Variants in CHD7 observed in about 807,000 individuals in gnomAD.
CHD7 encodes the protein chromodomain helicase DNA binding protein 7, also known as ATP-dependent chromatin remodeler CHD7.
CHD7 carries 24 observed loss-of-function variants against 307.3 expected under a neutral mutation model. That is an observed-to-expected ratio of 0.08 (90% CI 0.06 to 0.11). CHD7 has a LOEUF of 0.11. Among genes scored for constraint, CHD7 ranks in the 10% least tolerant of loss-of-function variants. CHD7 has a pLI of 1.00. For synonymous variants in CHD7, 1,363 were observed against 1,349.9 expected (o/e 1.01, Z -0.21); for missense variants, 3,106 against 3,727.1 (o/e 0.83, Z 4.34).
chr8:60,731,090 C>G (rs1317794706), intron 1 of CHD7, among the ~76,000 whole-genome samples: 1 of 152,140 alleles, frequency 6.6e-6, no homozygotes, highest in East Asian at 1.9e-4. Context: ...TGTCAACGTG[C>G]TTGTGTTCCA....
intron 8 of CHD7, among the ~76,000 whole-genome samples, chr8:60,818,390 GCA>G (rs1350924052): frequency 2.6e-5 from 4 of 152,198 alleles, no homozygotes; most frequent in Non-Finnish European, 5.9e-5. Context: ...TTTTAATTCA[GCA>G]CTGACTGTGA....
chr8:60,847,603 T>A (rs1805270866), intron 23 of CHD7, among the ~76,000 whole-genome samples: 1 of 152,212 alleles, frequency 6.6e-6, no homozygotes, highest in Non-Finnish European at 1.5e-5. Context: ...GCGATTCACG[T>A]ATCAGTCCTG....
At chr8:60,846,832 G>T (rs1026699934) in intron 23 of CHD7, among the ~76,000 whole-genome samples, 1 of 152,238 alleles carries the variant, frequency 6.6e-6, no homozygotes, top group African/African-American at 2.4e-5. Flanking sequence ...CCCTCAGCCA[G>T]TTAGGGGGCA....
At chr8:60,689,134 T>C (rs1806067972) in intron 1 of CHD7, among the ~76,000 whole-genome samples, 1 of 152,234 alleles carries the variant, frequency 6.6e-6, no homozygotes, top group Non-Finnish European at 1.5e-5. Flanking sequence ...TATTCTATTC[T>C]ATTTCTTTAC....
intron 11 of CHD7, 46 bp downstream of exon 11, chr8:60,822,191 C>A: frequency 2.6e-6 from 4 of 1,512,354 alleles, no homozygotes; most frequent in Non-Finnish European, 2.7e-6. Flanking sequence ...ATCTGTAGTT[C>A]CTTTCCTTTA....
In CHD7 at chr8:60,733,085, A is replaced by AT. The variant is rs201671720; in HGVS notation, c.-174-8172dup. Among the ~76,000 whole-genome samples, 47 of 151,598 alleles carry AT rather than the reference A, an allele frequency of 3.1e-4. 1 individual carries two copies. Among genetic ancestry groups the AT allele is most frequent in the Admixed American group, 1.9e-3 (29 of 15,240 alleles). The stretch of plus-strand genomic sequence containing the variant: ...CTTTGTTTCCCAGGAAAAAAAAAAA[A>AT]TTAGCTGGGTGTGGTGGTACACAAC... On this transcript the variant is annotated intron_variant, in intron 1 of 37. Coordinates refer to ENST00000423902, the MANE Select transcript of CHD7 (RefSeq NM_017780.4).
intron 1 of CHD7, among the ~76,000 whole-genome samples, chr8:60,684,375 G>T (rs979677852): frequency 1.3e-5 from 2 of 152,118 alleles, no homozygotes; most frequent in Non-Finnish European, 1.5e-5. Context: ...GCTGTTTGTT[G>T]GGTACCTGCT....
At chr8:60,697,836 G>A (rs1025502269) in intron 1 of CHD7, among the ~76,000 whole-genome samples, 5 of 152,196 alleles carry the variant, frequency 3.3e-5, no homozygotes, top group African/African-American at 9.7e-5. Context: ...TTAATCACAC[G>A]TGGTGCCACC....
chr8:60,697,555 A>G (rs1289471844), intron 1 of CHD7, among the ~76,000 whole-genome samples: 1 of 152,212 alleles, frequency 6.6e-6, no homozygotes, highest in East Asian at 1.9e-4. Flanking sequence ...GAATATATGC[A>G]ACTTCATTTT....
chr8:60,690,784 G>C (rs961788500), intron 1 of CHD7, among the ~76,000 whole-genome samples: 1 of 152,134 alleles, frequency 6.6e-6, no homozygotes, highest in African/African-American at 2.4e-5. Flanking sequence ...CTGTTGTCTC[G>C]GTATGGTGAA....
chr8:60,866,923 A>G lies in CHD7; in HGVS notation c.*990A>G, dbSNP rs1806261223. ...GAGATGTAATTATAGAATGTAGTATATAGGGAAACTGGTGTTCACTCTATT... is the reference window on the plus strand; with the variant it reads ...GAGATGTAATTATAGAATGTAGTATGTAGGGAAACTGGTGTTCACTCTATT... On this transcript the variant is annotated 3_prime_UTR_variant, in exon 38 of 38. Coordinates refer to ENST00000423902, the MANE Select transcript of CHD7 (RefSeq NM_017780.4). The G allele has an allele frequency of 6.6e-6, 1 of 152,594 alleles. No individual in the cohort carries two copies. The highest frequency in any genetic ancestry group is 1.5e-5 in the Non-Finnish European group (1 of 68,048). 9.5% of individuals were successfully genotyped at this position (152,594 alleles called of 1,614,324 possible). A position where few individuals can be genotyped will look rare whatever the true frequency, so the allele number is the denominator to read the frequency against.
intron 7 of CHD7, among the ~76,000 whole-genome samples, chr8:60,809,769 G>T (rs1812712248): frequency 6.7e-6 from 1 of 149,906 alleles, no homozygotes; most frequent in African/African-American, 2.5e-5. Context: ...AAGAGTTTTT[G>T]TTAGCCTTAT....
intron 1 of CHD7, among the ~76,000 whole-genome samples, chr8:60,734,868 A>G (rs1225059119): frequency 2.0e-5 from 3 of 152,208 alleles, no homozygotes; most frequent in African/African-American, 4.8e-5. Flanking sequence ...AGGGAGAGGT[A>G]TGATGTAATC....
In CHD7 at chr8:60,781,242, G is replaced by A. The variant is rs923306494; in HGVS notation, c.1908G>A (p.Gly636=). ...NQELNRNSLD[G]SQEEKKKKKR... is the part of the protein sequence containing the mutation. ...AACTAAATAGGAACTCACTGGATGG[G>A]TCCCAAGAAGAAAAAAAGAAAAAGA... Residue 636 remains glycine, a synonymous_variant, in exon 3 of 38, where the codon GGG becomes GGA. Coordinates refer to ENST00000423902, the MANE Select transcript of CHD7 (RefSeq NM_017780.4). 2 of 1,578,002 alleles carry A rather than the reference G, an allele frequency of 1.3e-6. No homozygotes were observed. The highest frequency in any genetic ancestry group is 1.9e-5 in the Admixed American group (1 of 53,394).
At chr8:60,709,052 C>T (rs1393442561) in intron 1 of CHD7, among the ~76,000 whole-genome samples, 1 of 152,118 alleles carries the variant, frequency 6.6e-6, no homozygotes, top group Non-Finnish European at 1.5e-5. Flanking sequence ...TTTCCTTTTG[C>T]GGAATTCCTA....
At chr8:60,758,233 T>C (rs1376303567) in intron 2 of CHD7, among the ~76,000 whole-genome samples, 2 of 152,072 alleles carry the variant, frequency 1.3e-5, no homozygotes, top group African/African-American at 4.8e-5. Context: ...CCTCCCAGGC[T>C]CAAGCAATCC....
chr8:60,852,800 A>C, intron 30 of CHD7, 29 bp from the exon 31 acceptor site: 2 of 1,609,132 alleles, frequency 1.2e-6, no homozygotes, highest in Non-Finnish European at 1.7e-6. Flanking sequence ...AATTCTCCCC[A>C]AGTAAATATG....
Position 60,865,286 on chromosome 8 carries a change from G to T in CHD7, c.8347G>T (p.Ala2783Ser). The T allele has an allele frequency of 6.2e-7, 1 of 1,608,324 alleles. No individual in the cohort carries two copies. Among genetic ancestry groups the T allele is most frequent in the Non-Finnish European group, 8.5e-7 (1 of 1,177,614 alleles). Residue 2783 changes from alanine (A) to serine (S), a missense_variant, in exon 38 of 38, where the codon GCC (alanine) becomes TCC (serine). Transcript: ENST00000423902. This position sits in a 1 kb window ranked among gnomAD's most constrained non-coding sequence, Gnocchi z 4.3. ...MGFPPGLATA[A>S]TAGGDAKNPA... ...CTTCCCTCCAGGACTGGCAACAGCTGCCACCGCCGGAGGCGATGCGAAGAA... is the reference window on the plus strand; with the variant it reads ...CTTCCCTCCAGGACTGGCAACAGCTTCCACCGCCGGAGGCGATGCGAAGAA...
At chr8:60,837,421 TC>T (rs1215906483) in intron 17 of CHD7, among the ~76,000 whole-genome samples, 2 of 152,182 alleles carry the variant, frequency 1.3e-5, no homozygotes, top group Non-Finnish European at 2.9e-5. Flanking sequence ...AGGGCCCTCT[TC>T]CTGGTTTATG....
Sources: allele counts gnomAD v4.1 joint callset (sites outside exome capture counted in the v4.1 genomes callset), GRCh38; gene constraint gnomAD v4.1.1; non-coding constraint Gnocchi (gnomAD v3.1); transcripts MANE v1.5; gene names NCBI Gene and HGNC (gene_info 2026-07-23, HGNC 2026-07-21).